PPP2R3B: variants seen among roughly 807,000 people sequenced by gnomAD.
PPP2R3B encodes the protein serine/threonine-protein phosphatase 2A regulatory subunit B'' subunit beta.
In PPP2R3B, 68 loss-of-function variants were observed where a neutral mutation model predicts 72.9. The ratio of observed to expected loss-of-function variants is 0.93; its 90% CI spans 0.77 to 1.14. PPP2R3B has a LOEUF of 1.14. Ranked by LOEUF, PPP2R3B falls within the 50% of genes most tolerant of loss-of-function variation. The pLI is 0.00. For missense variants in PPP2R3B, 1,018 were observed against 842.0 expected, an observed-to-expected ratio of 1.21 and a Z score of -2.59; for synonymous variants, 466 against 375.8, an observed-to-expected ratio of 1.24 and a Z score of -2.78.
intron 1 of PPP2R3B, among the ~76,000 whole-genome samples, chrX:367,630 C>T (rs1003544349): frequency 5.9e-5 from 9 of 152,020 alleles, no homozygotes; most frequent in African/African-American, 1.4e-4. Context: ...AGAGAAAAGG[C>T]GACCAAGCTG....
intron 1 of PPP2R3B, among the ~76,000 whole-genome samples, chrX:368,926 T>C (rs2071794894): frequency 6.6e-6 from 1 of 152,026 alleles, no homozygotes; most frequent in African/African-American, 2.4e-5. Flanking sequence ...CCATGGGCAC[T>C]AATAGACGAG....
At chrX:375,504 T>C (rs1309602062) in intron 1 of PPP2R3B, among the ~76,000 whole-genome samples, 1 of 148,888 alleles carries the variant, frequency 6.7e-6, no homozygotes, top group East Asian at 2.0e-4. Context: ...TAACCCATGA[T>C]GTGGGGCACA....
intron 6 of PPP2R3B, 77 bp from the exon 7 acceptor site, chrX:345,749 A>T: frequency 5.9e-6 from 5 of 846,196 alleles, no homozygotes; most frequent in Non-Finnish European, 8.5e-6. Flanking sequence ...CGGGCGGGGC[A>T]GGGAAGGCTG....
chrX:369,454 C>G (rs755723562), intron 1 of PPP2R3B, among the ~76,000 whole-genome samples: 1 of 152,238 alleles, frequency 6.6e-6, no homozygotes, highest in African/African-American at 2.4e-5. Flanking sequence ...CCAGAAGTCA[C>G]AGATACATGT....
chrX:370,718 G>T (rs2071841212), intron 1 of PPP2R3B, among the ~76,000 whole-genome samples: 1 of 152,162 alleles, frequency 6.6e-6, no homozygotes, highest in African/African-American at 2.4e-5. Flanking sequence ...GCAGCGTCCT[G>T]GCCAAACCAA....
chrX:363,547 G>A (rs755806070), intron 1 of PPP2R3B, among the ~76,000 whole-genome samples: 12 of 121,680 alleles, frequency 9.9e-5, no homozygotes, highest in African/African-American at 2.3e-4. Context: ...CCGAGCCCGC[G>A]ATCCCGCAGT....
In PPP2R3B at chrX:341,967, G is replaced by C. The variant is rs770879442; in HGVS notation, c.1037-36C>G. ...ATGCGGTTGATGGGCAGCCCGCACC[G>C]TGCCTCGGCCCCGACGTCACCACCC... On this transcript the variant is annotated intron_variant, in intron 7 of 12. Coordinates refer to ENST00000390665, the MANE Select transcript of PPP2R3B (RefSeq NM_013239.5). 10 of 1,611,130 alleles carry C rather than the reference G, an allele frequency of 6.2e-6. No individual in the cohort carries two copies. In the East Asian group the frequency reaches 8.9e-5, roughly 14 times the overall value.
chrX:383,537 T>A (rs1483559883), intron 1 of PPP2R3B, among the ~76,000 whole-genome samples: 6 of 152,062 alleles, frequency 3.9e-5, no homozygotes, highest in Admixed American at 3.9e-4. Context: ...AGAAAGCATT[T>A]TTAAAAATAC....
At chrX:348,261 G>A (rs28506912) in intron 2 of PPP2R3B, among the ~76,000 whole-genome samples, 3,551 of 146,656 alleles carry the variant, frequency 0.024, 153 homozygotes, top group African/African-American at 0.086. Context: ...TCGATGATTT[G>A]AAAGATTTCT....
chrX:341,177 G>A lies in PPP2R3B; in HGVS notation c.1175+130C>T, dbSNP rs188531073. Reference sequence around the variant, plus strand: ...CCCCCTGTGCCGTGCAGCCCCCACCGGGCGTGCACATGTCCCCCTGTGCCG... The same window carrying A: ...CCCCCTGTGCCGTGCAGCCCCCACCAGGCGTGCACATGTCCCCCTGTGCCG... On this transcript the variant is annotated intron_variant, in intron 9 of 12. Transcript: ENST00000390665. 4.7e-5 allele frequency: 16 copies of A among 339,470 alleles called. No homozygotes were observed. The African/African-American group carries it at 8.2e-4, about 17-fold the overall frequency. 21.0% of individuals were successfully genotyped at this position (339,470 alleles called of 1,614,324 possible). A position where few individuals can be genotyped will look rare whatever the true frequency, so the allele number is the denominator to read the frequency against.
At chrX:364,696 C>T (rs866895101) in intron 1 of PPP2R3B, among the ~76,000 whole-genome samples, 54 of 61,746 alleles carry the variant, frequency 8.7e-4, no homozygotes, top group Non-Finnish European at 1.1e-3. Context: ...CCAGCCTGGG[C>T]GACAGAGTGA....
chrX:376,654 A>G (rs57397631), intron 1 of PPP2R3B, among the ~76,000 whole-genome samples: 15 of 48,788 alleles, frequency 3.1e-4, no homozygotes, highest in Admixed American at 1.8e-3. Context: ...GGGACGGGCC[A>G]TCCACACCCA....
At chrX:358,555 C>G (rs2071480172) in intron 2 of PPP2R3B, among the ~76,000 whole-genome samples, 1 of 152,232 alleles carries the variant, frequency 6.6e-6, no homozygotes, top group African/African-American at 2.4e-5. Context: ...CCCAGGTCAC[C>G]CTGCTTCTCT....
chrX:378,646 A>G (rs2072050269), intron 1 of PPP2R3B, among the ~76,000 whole-genome samples: 1 of 152,062 alleles, frequency 6.6e-6, no homozygotes, highest in African/African-American at 2.4e-5. Context: ...CGTCCACCTC[A>G]TCTCAGGAAA....
At chrX:379,032 T>C (rs938586741) in intron 1 of PPP2R3B, among the ~76,000 whole-genome samples, 4 of 94,980 alleles carry the variant, frequency 4.2e-5, no homozygotes, top group African/African-American at 1.2e-4. Flanking sequence ...CATGCACCTG[T>C]GTGTGTGTAT....
At position 334,634 on chromosome X, in the gene PPP2R3B, C is replaced by T. The variant is rs191450658; in HGVS notation, c.1578-117G>A. ...TCCAGCACGAGACAGTCCCCTGAGC[C>T]GACCTTGAGCTCCAGCCGCTGAGCC... is the stretch of plus-strand genomic sequence containing the variant. On this transcript the variant is annotated intron_variant, in intron 12 of 12. Transcript: ENST00000390665. 4.8e-3 allele frequency: 5,677 copies of T among 1,177,494 alleles called. 211 individuals carry two copies. The African/African-American group carries it at 0.078, about 16-fold the overall frequency. 72.9% of individuals were successfully genotyped at this position (1,177,494 alleles called of 1,614,324 possible).
At chrX:346,105 A>AGAGAGG (rs1257000559) in intron 6 of PPP2R3B, 69 bp downstream of exon 6, 28 of 538,528 alleles carry the variant, frequency 5.2e-5, no homozygotes, top group East Asian at 1.5e-4. Context: ...GGAGGAGGGA[A>AGAGAGG]GGGAAGGGAG....
At chrX:339,206 C>T (rs1012293830) in intron 10 of PPP2R3B, among the ~76,000 whole-genome samples, 1 of 150,524 alleles carries the variant, frequency 6.6e-6, no homozygotes, top group South Asian at 2.1e-4. Context: ...GAGAACGGAG[C>T]TCCCCGTGCA....
chrX:384,666 C>A (rs1257647199), intron 1 of PPP2R3B, among the ~76,000 whole-genome samples: 1 of 151,986 alleles, frequency 6.6e-6, no homozygotes, highest in African/African-American at 2.4e-5. Context: ...TTCCACCAGC[C>A]GTAACTACAG....
Sources: allele counts gnomAD v4.1 joint callset (sites outside exome capture counted in the v4.1 genomes callset), GRCh38; gene constraint gnomAD v4.1.1; transcripts MANE v1.5; gene names NCBI Gene and HGNC (gene_info 2026-07-23, HGNC 2026-07-21).